Variants in UVSSA observed in about 807,000 individuals in gnomAD.
UVSSA encodes the protein UV stimulated scaffold protein A.
UVSSA carries 72 observed loss-of-function variants against 73.9 expected under a neutral mutation model. The observed-to-expected ratio is 0.97, with a 90% CI of 0.81 to 1.19. The LOEUF (loss-of-function observed/expected upper bound fraction) is 1.19, where lower values mean the gene tolerates loss of function less well. Ranked by LOEUF, UVSSA falls within the 50% of genes most tolerant of loss-of-function variation. The pLI is 0.00. For synonymous variants in UVSSA, 454 were observed against 391.3 expected (o/e 1.16, Z -1.89); for missense variants, 1,150 against 965.0 (o/e 1.19, Z -2.54).
intron 10 of UVSSA, among the ~76,000 whole-genome samples, chr4:1,378,340 G>A (rs1029555947): frequency 6.6e-6 from 1 of 152,178 alleles, no homozygotes; most frequent in Non-Finnish European, 1.5e-5. Flanking sequence ...ATCACTTGAG[G>A]CCAGGAGTTC....
At chr4:1,354,964 AG>A in intron 6 of UVSSA, 117 bp downstream of exon 6, 2 of 1,531,074 alleles carry the variant, frequency 1.3e-6, no homozygotes, top group South Asian at 2.5e-5. Context: ...TTAACCCGCG[AG>A]GGCTCTGTCC....
chr4:1,383,976 G>C (rs1560489659), intron 13 of UVSSA, 36 bp downstream of exon 13: 2 of 1,584,924 alleles, frequency 1.3e-6, no homozygotes, highest in Non-Finnish European at 1.7e-6. Context: ...CCACCGCGTG[G>C]CCCCCCCGTG....
intron 8 of UVSSA, among the ~76,000 whole-genome samples, chr4:1,370,212 C>T (rs1352550825): frequency 2.0e-5 from 3 of 152,230 alleles, no homozygotes; most frequent in African/African-American, 7.2e-5. Flanking sequence ...ATCTAAATGT[C>T]ACATTGTTCA....
At chr4:1,365,512 C>G (rs545793700) in intron 7 of UVSSA, among the ~76,000 whole-genome samples, 3 of 152,312 alleles carry the variant, frequency 2.0e-5, no homozygotes, top group African/African-American at 7.2e-5. Context: ...CTGCCATTCT[C>G]CAGCTCCTCA....
At chr4:1,383,394 C>T (rs896060712) in intron 12 of UVSSA, among the ~76,000 whole-genome samples, 2 of 152,132 alleles carry the variant, frequency 1.3e-5, no homozygotes. Flanking sequence ...CGGATGGTGC[C>T]ACCCCCCAAC....
At chr4:1,381,764 C>T (rs1487701695) in intron 12 of UVSSA, among the ~76,000 whole-genome samples, 1 of 151,768 alleles carries the variant, frequency 6.6e-6, no homozygotes, top group African/African-American at 2.4e-5. Flanking sequence ...CATGGCCTCC[C>T]AGGTTCGAGC....
intron 8 of UVSSA, among the ~76,000 whole-genome samples, chr4:1,367,325 A>G (rs888476253): frequency 2.0e-5 from 3 of 152,210 alleles, no homozygotes; most frequent in Non-Finnish European, 4.4e-5. Flanking sequence ...TGGTGTTTGC[A>G]TGGAGGGGAG....
At chr4:1,393,202 C>T (rs1230890685) in exon 14 of UVSSA, 1 of 152,106 alleles carries the variant, frequency 6.6e-6, no homozygotes, top group East Asian at 1.9e-4. Flanking sequence ...CCAAACAAAA[C>T]CTGATGTCAA....
intron 7 of UVSSA, chr4:1,359,401 TAAA>T (rs1716290865): frequency 6.6e-6 from 1 of 152,218 alleles, no homozygotes; most frequent in Admixed American, 6.5e-5. Flanking sequence ...GCTGAGCTGA[TAAA>T]AATCCTCTGG....
Position 1,353,137 on chromosome 4 carries a change from G to A in UVSSA, c.658G>A (p.Ala220Thr), listed in dbSNP as rs771953897. 1.2e-6 allele frequency: 2 copies of A among 1,613,058 alleles called. No homozygotes were observed. The highest frequency in any genetic ancestry group is 2.2e-5 in the East Asian group (1 of 44,886). ...CCCGGAGACGGAATCCCTTGGCATG[G>A]CTTCTGGCATGTCCGATGCCCTTCG... The part of the protein sequence containing the change: ...PNPETESLGM[A>T]SGMSDALRSS... Residue 220 changes from alanine to threonine, a missense_variant, in exon 5 of 14, where the codon GCT (alanine) becomes ACT (threonine). By Grantham distance (58) the Ala-to-Thr change is moderately conservative (BLOSUM62 0). Coordinates refer to ENST00000389851, the MANE Select transcript of UVSSA (RefSeq NM_020894.4).
In UVSSA at chr4:1,385,858, TTCCCC is replaced by T; in HGVS notation, c.2037-9_2037-5del. 2 of 1,613,868 alleles carry T rather than the reference TTCCCC, an allele frequency of 1.2e-6. No homozygotes were observed. Among genetic ancestry groups the T allele is most frequent in the Non-Finnish European group, 1.7e-6 (2 of 1,179,872 alleles). ...CCTCCCAGGTCACATCTTGCCTTGT[TTCCCC>T]ACAGGGCAGCTGTGCGGAGGGTAGT... On this transcript the variant is annotated splice_region_variant and splice_polypyrimidine_tract_variant and intron_variant, in intron 13 of 13. Coordinates refer to ENST00000389851, the MANE Select transcript of UVSSA (RefSeq NM_020894.4).
intron 12 of UVSSA, among the ~76,000 whole-genome samples, chr4:1,381,225 G>A (rs910990107): frequency 6.6e-6 from 1 of 152,192 alleles, no homozygotes; most frequent in Non-Finnish European, 1.5e-5. Context: ...ATGAGGCCCT[G>A]ACCGGGAGGT....
upstream of UVSSA, among the ~76,000 whole-genome samples, chr4:1,346,385 C>G (rs1713685117): frequency 6.6e-6 from 1 of 152,212 alleles, no homozygotes; most frequent in African/African-American, 2.4e-5. Flanking sequence ...GGGGTCCACA[C>G]CACGCTCCTC....
downstream of UVSSA, chr4:1,388,137 A>T (rs1442366825): frequency 5.9e-5 from 9 of 152,154 alleles, no homozygotes; most frequent in Non-Finnish European, 1.3e-4. Context: ...TTTCTCACTT[A>T]TTTTGTTAAA....
chr4:1,376,002 C>A (rs746830745), intron 9 of UVSSA, 32 bp from the exon 10 acceptor site: 1 of 1,571,600 alleles, frequency 6.4e-7, no homozygotes, highest in South Asian at 1.2e-5. Context: ...GCACCAGCAG[C>A]ACCGTCAGGC....
downstream of UVSSA, chr4:1,391,190 G>A (rs1451548300): frequency 6.6e-6 from 1 of 151,032 alleles, no homozygotes; most frequent in African/African-American, 2.5e-5. Flanking sequence ...TGGGTCAGAG[G>A]TTGGTTTGTA....
At chr4:1,357,301 GC>G (rs1715924018) in intron 7 of UVSSA, among the ~76,000 whole-genome samples, 1 of 152,270 alleles carries the variant, frequency 6.6e-6, no homozygotes, top group African/African-American at 2.4e-5. Flanking sequence ...TCAGGCCTGG[GC>G]CCCTCCAGCT....
chr4:1,361,849 A>G (rs139755266), intron 7 of UVSSA, among the ~76,000 whole-genome samples: 26 of 150,320 alleles, frequency 1.7e-4, no homozygotes, highest in Non-Finnish European at 2.9e-4. Context: ...GAGGCCTTAC[A>G]TCATTTTTTT....
intron 8 of UVSSA, among the ~76,000 whole-genome samples, chr4:1,369,194 C>T (rs548370955): frequency 8.5e-5 from 13 of 152,256 alleles, no homozygotes; most frequent in African/African-American, 2.2e-4. Context: ...GTACCCTTGG[C>T]GGCCTTGCTG....
Sources: allele counts gnomAD v4.1 joint callset (sites outside exome capture counted in the v4.1 genomes callset), GRCh38; gene constraint gnomAD v4.1.1; transcripts MANE v1.5; gene names NCBI Gene and HGNC (gene_info 2026-07-23, HGNC 2026-07-21).